SFTPD: variants seen among roughly 807,000 people sequenced by gnomAD.
SFTPD encodes surfactant protein D.
SFTPD carries 18 observed loss-of-function variants against 34.6 expected under a neutral mutation model. The ratio of observed to expected loss-of-function variants is 0.52; its 90% CI spans 0.36 to 0.77. The LOEUF (loss-of-function observed/expected upper bound fraction) is 0.77. Ranked by LOEUF, SFTPD falls within the 30% of genes least tolerant of loss-of-function variation. SFTPD has a pLI of 0.00. For synonymous variants in SFTPD, 155 were observed against 180.9 expected, an observed-to-expected ratio of 0.86 and a Z score of 1.15; for missense variants, 433 against 468.9, an observed-to-expected ratio of 0.92 and a Z score of 0.71.
chr10:79,946,121 C>A (rs924709420), intron 2 of SFTPD, among the ~76,000 whole-genome samples: 1 of 152,206 alleles, frequency 6.6e-6, no homozygotes, highest in Non-Finnish European at 1.5e-5. Context: ...TAATGCCCTG[C>A]ACAGGCATCA....
intron 1 of SFTPD, among the ~76,000 whole-genome samples, chr10:79,957,801 G>A (rs1420115006): frequency 3.3e-5 from 5 of 152,042 alleles, no homozygotes; most frequent in South Asian, 2.1e-4. Flanking sequence ...TACAGAGAAC[G>A]CCACAAAGAT....
chr10:79,942,312 C>T lies in SFTPD; in HGVS notation c.433+76G>A, dbSNP rs529119668. 3.4e-5 allele frequency: 35 copies of T among 1,016,356 alleles called. No individual in the cohort carries two copies. The East Asian group carries it at 8.4e-4, about 24-fold the overall frequency. The allele number at this position is 1,016,356 out of a possible 1,614,324, so 63.0% of individuals were successfully genotyped here. A position where few individuals can be genotyped will look rare whatever the true frequency, so the allele number is the denominator to read the frequency against. On this transcript the variant is annotated intron_variant, in intron 4 of 7. Coordinates refer to ENST00000372292, the MANE Select transcript of SFTPD (RefSeq NM_003019.5). ...TCTGGGCTCTCCCTGGCACTCTGAG[C>T]ACGCCTCAGGTCATATCATGGACCC...
chr10:79,941,197 G>A lies in SFTPD; in HGVS notation c.667+201C>T, dbSNP rs548472081. 3.3e-5 allele frequency among the ~76,000 whole-genome samples: 5 copies of A among 152,318 alleles called. No individual in the cohort carries two copies. The East Asian group carries it at 9.6e-4, about 29-fold the overall frequency. On this transcript the variant is annotated intron_variant, in intron 6 of 7. Coordinates refer to ENST00000372292, the MANE Select transcript of SFTPD (RefSeq NM_003019.5). ...GTCAGATGGAGAAGCTGCCCAGGTT[G>A]CTTTCCCATGAGTACTAAGTGGCTA...
At chr10:79,948,008 G>C (rs1842683362) in intron 1 of SFTPD, among the ~76,000 whole-genome samples, 1 of 152,262 alleles carries the variant, frequency 6.6e-6, no homozygotes, top group Non-Finnish European at 1.5e-5. Flanking sequence ...CAAGTGGGGG[G>C]CTTCCTGCCC....
At chr10:79,976,753 T>C (rs1440583537) in intron 1 of SFTPD, among the ~76,000 whole-genome samples, 1 of 152,138 alleles carries the variant, frequency 6.6e-6, no homozygotes, top group Non-Finnish European at 1.5e-5. Context: ...CTGGCAACCA[T>C]CCTCTCAGAG....
At chr10:79,980,336 C>T (rs1398004328) in intron 1 of SFTPD, among the ~76,000 whole-genome samples, 3 of 152,160 alleles carry the variant, frequency 2.0e-5, no homozygotes, top group Admixed American at 2.0e-4. Flanking sequence ...TCCCCAATCC[C>T]AGGCCCTAGC....
At chr10:79,944,596 A>G (rs1326499957) in intron 2 of SFTPD, among the ~76,000 whole-genome samples, 1 of 152,168 alleles carries the variant, frequency 6.6e-6, no homozygotes, top group Non-Finnish European at 1.5e-5. Context: ...TCAGAGGAGC[A>G]GCAGGGGTAC....
chr10:79,981,505 C>T (rs569835116), intron 1 of SFTPD, among the ~76,000 whole-genome samples: 118 of 152,272 alleles, frequency 7.7e-4, no homozygotes, highest in African/African-American at 2.7e-3. Flanking sequence ...ACCTCCTCCC[C>T]GCCTGGGCAC....
rs527617224 is a variant in SFTPD at position 79,968,828 on chromosome 10, C to T, written c.36+13747G>A. The T allele has an allele frequency of 5.9e-5, 9 of 152,188 alleles. No individual in the cohort carries two copies. The East Asian group carries it at 7.7e-4, about 13-fold the overall frequency. The allele number at this position is 152,188 out of a possible 1,614,324, so 9.4% of individuals were successfully genotyped here. ...CATTCCCTTTTCTCTGCAGCCTTCC[C>T]GACATCATATTTTTTTTTCTTTTTC... On this transcript the variant is annotated intron_variant, in intron 1 of 5. Transcript: ENST00000444384.
intron 1 of SFTPD, among the ~76,000 whole-genome samples, chr10:79,958,924 CAG>C (rs1415874077): frequency 6.6e-6 from 1 of 152,008 alleles, no homozygotes; most frequent in African/African-American, 2.4e-5. Context: ...TGTAAAAGAA[CAG>C]AAATTATAAC....
upstream of SFTPD, among the ~76,000 whole-genome samples, chr10:79,952,774 C>T (rs1156977471): frequency 6.6e-6 from 1 of 152,090 alleles, no homozygotes; most frequent in Non-Finnish European, 1.5e-5. Flanking sequence ...ATGACACCTG[C>T]CACTTCAACT....
intron 6 of SFTPD, among the ~76,000 whole-genome samples, chr10:79,941,168 G>A (rs1289681369): frequency 2.6e-5 from 4 of 152,212 alleles, no homozygotes; most frequent in East Asian, 1.9e-4. Flanking sequence ...TAGTTTTCCC[G>A]ATAGTCAGAT....
intron 1 of SFTPD, chr10:79,968,299 G>A (rs1347096677): frequency 2.0e-5 from 3 of 152,166 alleles, no homozygotes; most frequent in Admixed American, 6.6e-5. Context: ...CCCAGGTAGT[G>A]AGCATGGTAC....
intron 2 of SFTPD, among the ~76,000 whole-genome samples, chr10:79,945,953 G>A (rs1467712677): frequency 6.6e-6 from 1 of 152,156 alleles, no homozygotes; most frequent in Non-Finnish European, 1.5e-5. Context: ...TCCAGTGAAT[G>A]CCCAAGCACA....
chr10:79,949,678 G>A (rs1411512819), upstream of SFTPD, among the ~76,000 whole-genome samples: 1 of 152,192 alleles, frequency 6.6e-6, no homozygotes, highest in Non-Finnish European at 1.5e-5. Flanking sequence ...AGGCCTCAGA[G>A]AGCCCCTGCC....
intron 4 of SFTPD, 39 bp downstream of exon 4, chr10:79,942,349 C>A (rs760961040): frequency 2.2e-6 from 3 of 1,385,394 alleles, no homozygotes; most frequent in Admixed American, 1.7e-5. Flanking sequence ...TGTCCTTCCT[C>A]CTTTCCCTTC....
chr10:79,959,951 T>A lies in SFTPD; in HGVS notation c.37-13289A>T, dbSNP rs1220439109. On this transcript the variant is annotated intron_variant, in intron 1 of 5. Coordinates refer to the SFTPD transcript ENST00000444384. ...ACGTCAAAAAGCTTATCCACCATGA[T>A]CAAGTGGGCTTCATCCCTGGGATGC... Among the ~76,000 whole-genome samples, 186 of 152,256 alleles carry A rather than the reference T, an allele frequency of 1.2e-3. 4 individuals are homozygous for A. In the South Asian group the frequency reaches 0.038, roughly 31 times the overall value.
chr10:79,975,937 G>A (rs1842862044), intron 1 of SFTPD, among the ~76,000 whole-genome samples: 1 of 152,198 alleles, frequency 6.6e-6, no homozygotes, highest in African/African-American at 2.4e-5. Flanking sequence ...GGTGGGCCAG[G>A]TGTTCCTTGC....
intron 2 of SFTPD, among the ~76,000 whole-genome samples, chr10:79,945,380 G>A (rs573180675): frequency 4.6e-5 from 7 of 152,298 alleles, no homozygotes; most frequent in African/African-American, 1.7e-4. Flanking sequence ...GTCTGTAAGG[G>A]ATAGGCAGAT....
Sources: gnomAD v4.1 joint callset for allele counts (sites outside exome capture counted in the v4.1 genomes callset) on GRCh38, gnomAD v4.1.1 for gene constraint, MANE v1.5 for transcripts, NCBI Gene and HGNC (gene_info 2026-07-23, HGNC 2026-07-21) for gene names.